Variants in COLGALT2 observed in about 807,000 individuals in gnomAD.
The protein encoded by COLGALT2 is procollagen galactosyltransferase 2.
In COLGALT2, 49 loss-of-function variants were observed where a neutral mutation model predicts 73.4. The observed-to-expected ratio is 0.67, with a 90% CI of 0.53 to 0.85. The LOEUF is 0.85. Ranked by LOEUF, COLGALT2 falls within the 40% of genes least tolerant of loss-of-function variation. COLGALT2 has a pLI of 0.00. For synonymous variants in COLGALT2, 295 were observed against 307.6 expected (o/e 0.96, Z 0.43); for missense variants, 722 against 790.2 (o/e 0.91, Z 1.03).
At position 184,030,788 on chromosome 1, in the gene COLGALT2, A is replaced by G. The variant is rs1649489362; in HGVS notation, c.263+6307T>C. 2.0e-5 allele frequency among the ~76,000 whole-genome samples: 3 copies of G among 152,334 alleles called. No individual in the cohort carries two copies. In the South Asian group the frequency reaches 6.2e-4, roughly 32 times the overall value. ...CCAAACTCTGCTTAAAATACTCCCC[A>G]TGCTCCTTTAAACCAAGAAGGATAT... On this transcript the variant is annotated intron_variant, in intron 1 of 11. Transcript: ENST00000361927.
chr1:184,004,138 T>C (rs1485844890), intron 1 of COLGALT2, among the ~76,000 whole-genome samples: 1 of 152,108 alleles, frequency 6.6e-6, no homozygotes. Context: ...ATCTTCCAAA[T>C]AGTAAGCTAG....
chr1:184,010,098 G>A (rs1399634758), intron 1 of COLGALT2, among the ~76,000 whole-genome samples: 2 of 152,104 alleles, frequency 1.3e-5, no homozygotes, highest in Non-Finnish European at 2.9e-5. Context: ...GCATGGCTCT[G>A]GGGTCTAGAT....
At chr1:183,972,305 G>A (rs182025524) in intron 4 of COLGALT2, among the ~76,000 whole-genome samples, 3 of 152,144 alleles carry the variant, frequency 2.0e-5, no homozygotes, top group East Asian at 1.9e-4. Context: ...ATGTGGTTTC[G>A]CCATGTTGCT....
At chr1:184,022,064 A>G (rs554716662) in intron 1 of COLGALT2, among the ~76,000 whole-genome samples, 6 of 152,344 alleles carry the variant, frequency 3.9e-5, no homozygotes, top group African/African-American at 1.4e-4. Flanking sequence ...TTATCGTCTT[A>G]GGGCTCAAAA....
At chr1:183,981,761 AT>A (rs1553317620) in intron 1 of COLGALT2, among the ~76,000 whole-genome samples, 1 of 151,894 alleles carries the variant, frequency 6.6e-6, no homozygotes, top group South Asian at 2.1e-4. Context: ...TATTCAAAAA[AT>A]TTTTTTTATC....
At chr1:183,963,577 T>C (rs143156361) in intron 6 of COLGALT2, among the ~76,000 whole-genome samples, 1 of 152,152 alleles carries the variant, frequency 6.6e-6, no homozygotes, top group Admixed American at 6.6e-5. Flanking sequence ...TTGCTCAAAG[T>C]CATATAATTA....
intron 1 of COLGALT2, among the ~76,000 whole-genome samples, chr1:184,036,655 G>C (rs1358489358): frequency 6.6e-6 from 1 of 152,260 alleles, no homozygotes; most frequent in Non-Finnish European, 1.5e-5. Context: ...CCGCAGTTAC[G>C]TTCCATCTGT....
Position 183,973,739 on chromosome 1 carries a change from A to G in COLGALT2, c.504T>C (p.Val168=), listed in dbSNP as rs554171650. ...TCTGTGGATTAGTCAGGAAATTGTC[A>G]ACATCTATGAACTAGGAAAAGAAAA... ...KWSDYILFID[V]DNFLTNPQTL... is the part of the protein sequence containing the mutation. Residue 168 remains valine (V), a synonymous_variant, in exon 4 of 12, where the codon GTT becomes GTC. Coordinates refer to ENST00000361927, the MANE Select transcript of COLGALT2 (RefSeq NM_015101.4). The G allele has an allele frequency of 3.1e-6, 5 of 1,613,558 alleles. No homozygotes were observed. In the East Asian group the frequency reaches 1.1e-4, roughly 36 times the overall value.
chr1:183,930,327 G>A (rs1669814338), intron 11 of COLGALT2: 1 of 455,804 alleles, frequency 2.2e-6, no homozygotes, highest in Admixed American at 2.4e-5. Flanking sequence ...AAAGAGAGAT[G>A]CTGAAAGGAG....
At chr1:183,975,068 T>G in intron 3 of COLGALT2, 29 bp downstream of exon 3, 1 of 1,479,602 alleles carries the variant, frequency 6.8e-7, no homozygotes, top group Admixed American at 1.7e-5. Context: ...GAGATGACAG[T>G]TGTCAAGAAA....
chr1:183,937,936 AG>A lies in COLGALT2; in HGVS notation c.*824del. 1 of 985,448 alleles carries A rather than the reference AG, an allele frequency of 1.0e-6. No individual in the cohort carries two copies. Among genetic ancestry groups the A allele is most frequent in the Non-Finnish European group, 1.2e-6 (1 of 829,940 alleles). 61.0% of individuals were successfully genotyped at this position (985,448 alleles called of 1,614,324 possible). A position where few individuals can be genotyped will look rare whatever the true frequency, so the allele number is the denominator to read the frequency against. ...GCAGCGCGCAAACCCGGGACAGGGC[AG>A]GATGCACAGCCAGTCCTCACCCTTT... is the stretch of plus-strand genomic sequence containing the variant. On this transcript the variant is annotated 3_prime_UTR_variant, in exon 12 of 12. Transcript: ENST00000361927.
rs532003285 is a variant in COLGALT2, at chr1:183,993,104, T to G, written c.264-14584A>C. On this transcript the variant is annotated intron_variant, in intron 1 of 11. Coordinates refer to ENST00000361927, the MANE Select transcript of COLGALT2 (RefSeq NM_015101.4). The stretch of plus-strand genomic sequence containing the variant: ...GAAAACTCTAAATATTTAAAACATG[T>G]ATTTTTCACCAGTAAAAATGAAATA... 1.5e-4 allele frequency among the ~76,000 whole-genome samples: 23 copies of G among 152,340 alleles called. No homozygotes were observed. In the East Asian group the frequency reaches 4.4e-3, roughly 29 times the overall value.
chr1:184,023,868 A>C (rs987000777), intron 1 of COLGALT2, among the ~76,000 whole-genome samples: 2 of 152,042 alleles, frequency 1.3e-5, no homozygotes, highest in African/African-American at 4.8e-5. Flanking sequence ...TTTTCTTCTC[A>C]TCACAGCCTT....
chr1:183,988,143 GA>G (rs1486953605), intron 1 of COLGALT2, among the ~76,000 whole-genome samples: 2 of 152,098 alleles, frequency 1.3e-5, no homozygotes, highest in Non-Finnish European at 2.9e-5. Flanking sequence ...CCATGAGAAA[GA>G]AAAGACAAAC....
At chr1:184,010,442 A>G (rs117478196) in intron 1 of COLGALT2, among the ~76,000 whole-genome samples, 1 of 152,208 alleles carries the variant, frequency 6.6e-6, no homozygotes, top group African/African-American at 2.4e-5. Flanking sequence ...GAGCTTCGCT[A>G]TGGAATCATC....
At chr1:183,944,118 TG>T in intron 10 of COLGALT2, 77 bp downstream of exon 10, 1 of 1,456,578 alleles carries the variant, frequency 6.9e-7, no homozygotes, top group Non-Finnish European at 9.2e-7. Context: ...CTACTGGCTG[TG>T]GAGGTGGGGC....
intron 4 of COLGALT2, among the ~76,000 whole-genome samples, chr1:183,970,663 A>G (rs952197325): frequency 2.0e-5 from 3 of 152,184 alleles, no homozygotes; most frequent in Admixed American, 2.0e-4. Context: ...ATCTTAGTCC[A>G]TGCCTACCCT....
chr1:183,934,884 A>G (rs1457167300), downstream of COLGALT2, among the ~76,000 whole-genome samples: 1 of 152,210 alleles, frequency 6.6e-6, no homozygotes, highest in African/African-American at 2.4e-5. Flanking sequence ...CAAACTTAGA[A>G]TTCTCCCAGA....
intron 5 of COLGALT2, 57 bp downstream of exon 5, chr1:183,969,212 G>T: frequency 7.1e-7 from 1 of 1,404,452 alleles, no homozygotes; most frequent in African/African-American, 1.5e-5. Context: ...CAAAACAAAG[G>T]AGCTGGTCAT....
Sources: allele counts gnomAD v4.1 joint callset (sites outside exome capture counted in the v4.1 genomes callset), GRCh38; gene constraint gnomAD v4.1.1; transcripts MANE v1.5; gene names NCBI Gene and HGNC (gene_info 2026-07-23, HGNC 2026-07-21).